BMPR1B: variants seen among roughly 807,000 people sequenced by gnomAD.
BMPR1B encodes the protein bone morphogenetic protein receptor type 1B, also known as bone morphogenetic protein receptor type-1B.
A neutral mutation model predicts 59.1 loss-of-function variants in BMPR1B; 12 were observed. The ratio of observed to expected loss-of-function variants is 0.20; its 90% CI spans 0.13 to 0.33. BMPR1B has a LOEUF of 0.33. Among genes scored for constraint, BMPR1B ranks in the 10% least tolerant of loss-of-function variants. BMPR1B has a pLI of 1.00. For missense variants in BMPR1B, 550 were observed against 610.9 expected (o/e 0.90, Z 1.05); for synonymous variants, 237 against 207.3 (o/e 1.14, Z -1.23).
intron 1 of BMPR1B, among the ~76,000 whole-genome samples, chr4:94,850,407 A>G (rs537333057): frequency 1.3e-5 from 2 of 152,342 alleles, no homozygotes; most frequent in East Asian, 1.9e-4. Flanking sequence ...AGTGGCAGGT[A>G]GCGTGACTGC....
At chr4:94,978,110 C>T (rs760749026) in intron 2 of BMPR1B, among the ~76,000 whole-genome samples, 1 of 152,180 alleles carries the variant, frequency 6.6e-6, no homozygotes, top group Non-Finnish European at 1.5e-5. Context: ...TTCTGTCTTC[C>T]ATATGCTGTC....
chr4:95,021,932 A>G lies in BMPR1B; in HGVS notation c.-18+25798A>G, dbSNP rs557252388. Among the ~76,000 whole-genome samples, 12 of 152,346 alleles carry G rather than the reference A, an allele frequency of 7.9e-5. No individual in the cohort carries two copies. The South Asian group carries it at 2.5e-3, about 32-fold the overall frequency. ...TAGGAACTTACGTGAGCAGTGGGAAAGGTTTCTCTTACATATGTGTTACCT... is the reference window on the plus strand; with the variant it reads ...TAGGAACTTACGTGAGCAGTGGGAAGGGTTTCTCTTACATATGTGTTACCT... On this transcript the variant is annotated intron_variant, in intron 3 of 12. Coordinates refer to ENST00000515059, the MANE Select transcript of BMPR1B (RefSeq NM_001203.3).
chr4:95,002,033 T>C (rs1722486331), intron 3 of BMPR1B, among the ~76,000 whole-genome samples: 2 of 152,202 alleles, frequency 1.3e-5, no homozygotes, highest in African/African-American at 2.4e-5. Flanking sequence ...GTTTGTTACA[T>C]AGGTATATTG....
At chr4:95,147,386 G>A (rs961679377) in intron 10 of BMPR1B, among the ~76,000 whole-genome samples, 1 of 152,112 alleles carries the variant, frequency 6.6e-6, no homozygotes, top group African/African-American at 2.4e-5. Flanking sequence ...AGTGGTCAAG[G>A]CAATGAGATC....
chr4:95,107,664 T>A (rs966105841), intron 4 of BMPR1B, among the ~76,000 whole-genome samples: 1 of 152,076 alleles, frequency 6.6e-6, no homozygotes, highest in African/African-American at 2.4e-5. Context: ...GTTTGCTAGG[T>A]GAGAATTCCG....
chr4:95,105,495 A>G (rs937766385), intron 4 of BMPR1B, among the ~76,000 whole-genome samples: 2 of 151,674 alleles, frequency 1.3e-5, no homozygotes, highest in South Asian at 2.1e-4. Flanking sequence ...TTCCTTTCTG[A>G]GAGCTTTTTA....
At chr4:94,890,161 G>C (rs7669132) in intron 2 of BMPR1B, among the ~76,000 whole-genome samples, 5 of 151,972 alleles carry the variant, frequency 3.3e-5, no homozygotes, top group Non-Finnish European at 5.9e-5. Flanking sequence ...AAATCTTGGC[G>C]TGGAGCTAAT....
rs111490304 is a variant in BMPR1B, at chr4:94,761,128, A to C, written c.-183+3060A>C. ...TGACTTCTTTCACTAGAAGTGGGTAAATATGTCTATAATTAGAAGCTGTAA... is the reference window on the plus strand; with the variant it reads ...TGACTTCTTTCACTAGAAGTGGGTACATATGTCTATAATTAGAAGCTGTAA... On this transcript the variant is annotated intron_variant, in intron 1 of 12. Coordinates refer to ENST00000515059, the MANE Select transcript of BMPR1B (RefSeq NM_001203.3). 2.1e-3 allele frequency among the ~76,000 whole-genome samples: 317 copies of C among 152,324 alleles called. 4 individuals are homozygous for C. The highest frequency in any genetic ancestry group is 7.5e-3 in the African/African-American group (310 of 41,576).
At chr4:94,948,917 G>A (rs1289125538) in intron 2 of BMPR1B, among the ~76,000 whole-genome samples, 1 of 152,182 alleles carries the variant, frequency 6.6e-6, no homozygotes, top group Non-Finnish European at 1.5e-5. Context: ...TAGGGAGGCA[G>A]TGAATGTTTT....
chr4:95,059,190 A>G (rs1038486324), intron 3 of BMPR1B, among the ~76,000 whole-genome samples: 4 of 152,218 alleles, frequency 2.6e-5, no homozygotes, highest in African/African-American at 4.8e-5. Context: ...AACAACAACA[A>G]TAATCACAAA....
chr4:94,806,451 T>A (rs1457467731), intron 1 of BMPR1B, among the ~76,000 whole-genome samples: 1 of 152,240 alleles, frequency 6.6e-6, no homozygotes, highest in Non-Finnish European at 1.5e-5. Context: ...GATAGCTTTT[T>A]GAAGACTATT....
At chr4:94,842,061 A>T (rs990483264) in intron 1 of BMPR1B, among the ~76,000 whole-genome samples, 4 of 152,164 alleles carry the variant, frequency 2.6e-5, no homozygotes, top group African/African-American at 9.7e-5. Context: ...TACAGTACAG[A>T]TGGGAAGGGA....
rs1320672481 is a variant in BMPR1B, at chr4:95,103,850, C to A, written c.-17-558C>A. On this transcript the variant is annotated intron_variant, in intron 3 of 12. Transcript: ENST00000515059. ...GTCTTGATATTAACTAAGTTTTTGT[C>A]TTCTTACCCAATTTTACAGATTAAA... Among the ~76,000 whole-genome samples the A allele has an allele frequency of 3.1e-4, 47 of 152,016 alleles. 1 individual carries two copies. Among genetic ancestry groups the A allele is most frequent in the Admixed American group, 3.0e-3 (46 of 15,230 alleles).
chr4:94,917,051 T>G (rs1293066821), intron 2 of BMPR1B, among the ~76,000 whole-genome samples: 1 of 152,262 alleles, frequency 6.6e-6, no homozygotes, highest in Non-Finnish European at 1.5e-5. Context: ...CCATGTGGTG[T>G]TAAGCCTGTA....
At chr4:95,014,738 A>C (rs1432419644) in intron 3 of BMPR1B, among the ~76,000 whole-genome samples, 2 of 152,210 alleles carry the variant, frequency 1.3e-5, no homozygotes, top group East Asian at 1.9e-4. Context: ...TTAAGTGATT[A>C]GATTTGTAGA....
chr4:95,122,003 A>G (rs1036085265), intron 6 of BMPR1B, among the ~76,000 whole-genome samples: 1 of 152,202 alleles, frequency 6.6e-6, no homozygotes, highest in Non-Finnish European at 1.5e-5. Context: ...CAGAAGATTC[A>G]CTTTCTAATT....
chr4:95,059,402 T>G (rs962512061), intron 3 of BMPR1B, among the ~76,000 whole-genome samples: 2 of 152,120 alleles, frequency 1.3e-5, no homozygotes, highest in Non-Finnish European at 2.9e-5. Flanking sequence ...TAATTTCCTG[T>G]GCCCCGAGTG....
chr4:94,844,268 T>C, intron 1 of BMPR1B, among the ~76,000 whole-genome samples: 1 of 90,722 alleles, frequency 1.1e-5, no homozygotes, highest in East Asian at 2.6e-4. Flanking sequence ...AATCTTCTAG[T>C]TCGACTCTTC....
rs547907959 is a variant in BMPR1B at position 94,990,242 on chromosome 4, C to T, written c.-112-5798C>T. On this transcript the variant is annotated intron_variant, in intron 2 of 12. Coordinates refer to ENST00000515059, the MANE Select transcript of BMPR1B (RefSeq NM_001203.3). ...GTAGTGGCAGGCGCCTGTATCCCAG[C>T]TACGTGGGAGGCTGAGGCAGGAGAA... Among the ~76,000 whole-genome samples the T allele has an allele frequency of 3.9e-5, 6 of 152,162 alleles. No homozygotes were observed. In the East Asian group the frequency reaches 1.2e-3, roughly 30 times the overall value.
Sources: allele counts gnomAD v4.1 joint callset (sites outside exome capture counted in the v4.1 genomes callset), GRCh38; gene constraint gnomAD v4.1.1; transcripts MANE v1.5; gene names NCBI Gene and HGNC (gene_info 2026-07-23, HGNC 2026-07-21).